The following RELL1 variants were observed in gnomAD, a reference collection of about 807,000 sequenced individuals.
The protein encoded by RELL1 is RELT like 1, also known as RELT-like protein 1.
Under a neutral mutation model 23.0 loss-of-function variants are expected in RELL1, and 10 were observed. The ratio of observed to expected loss-of-function variants is 0.43; its 90% CI spans 0.27 to 0.74. RELL1 has a LOEUF of 0.74. Ranked by LOEUF, RELL1 falls within the 30% of genes least tolerant of loss-of-function variation. The pLI is 0.19. For synonymous variants in RELL1, 146 were observed against 146.8 expected (o/e 0.99, Z 0.04); for missense variants, 315 against 364.4 (o/e 0.86, Z 1.10).
intron 1 of RELL1, among the ~76,000 whole-genome samples, chr4:37,678,631 T>A (rs1048995894): frequency 2.6e-5 from 4 of 152,194 alleles, no homozygotes; most frequent in Non-Finnish European, 5.9e-5. Flanking sequence ...TCTGGAGTGG[T>A]TAGGAACTTT....
exon 7 of RELL1, chr4:37,591,013 G>A (rs1264381510): frequency 6.3e-7 from 1 of 1,587,424 alleles, no homozygotes; most frequent in Admixed American, 1.7e-5. Flanking sequence ...GAGGGGATTT[G>A]CACAGGGAGG....
chr4:37,598,421 T>C (rs1231269000), intron 6 of RELL1, among the ~76,000 whole-genome samples: 1 of 152,102 alleles, frequency 6.6e-6, no homozygotes, highest in East Asian at 1.9e-4. Flanking sequence ...GGTATTTTGT[T>C]GTTGTTTTTA....
intron 6 of RELL1, among the ~76,000 whole-genome samples, chr4:37,615,892 T>C (rs1174329861): frequency 6.6e-6 from 1 of 152,170 alleles, no homozygotes; most frequent in African/African-American, 2.4e-5. Context: ...ATCCTCTCAT[T>C]ATACTATGGG....
intron 1 of RELL1, among the ~76,000 whole-genome samples, chr4:37,685,308 C>T (rs1722363079): frequency 6.6e-6 from 1 of 152,078 alleles, no homozygotes; most frequent in African/African-American, 2.4e-5. Flanking sequence ...AGATTCCCAG[C>T]TGTAGTAACC....
At chr4:37,605,889 G>GAA (rs1486212243), downstream of RELL1, among the ~76,000 whole-genome samples, 3 of 128,798 alleles carry the variant, frequency 2.3e-5, no homozygotes. Context: ...AGGAAAGAAA[G>GAA]AGAAAGAAAG....
At chr4:37,668,592 T>C (rs1376198251) in intron 1 of RELL1, among the ~76,000 whole-genome samples, 1 of 152,084 alleles carries the variant, frequency 6.6e-6, no homozygotes, top group Non-Finnish European at 1.5e-5. Context: ...GCAGCCTGCC[T>C]TGGCCTCCCA....
rs78767247 is a variant in RELL1 at position 37,621,600 on chromosome 4, G to T, written c.*4-8258C>A. ...TTTTCCGCTTCCCTCAAGCCCCCTT[G>T]GGTCTGTCTTTAGGCCCTCCAAAGT... On this transcript the variant is annotated intron_variant, in intron 6 of 6. Coordinates refer to ENST00000454158, the MANE Select transcript of RELL1 (RefSeq NM_001085400.2). Among the ~76,000 whole-genome samples the T allele has an allele frequency of 4.0e-3, 616 of 152,246 alleles. 3 individuals carry two copies. Among genetic ancestry groups the T allele is most frequent in the African/African-American group, 0.014 (589 of 41,528 alleles).
At position 37,611,184 on chromosome 4, in the gene RELL1, T is replaced by C. The variant is rs1719364065; in HGVS notation, c.*2162A>G. 6.6e-6 allele frequency among the ~76,000 whole-genome samples: 1 copy of C among 152,194 alleles called. No individual in the cohort carries two copies. The highest frequency in any genetic ancestry group is 6.5e-5 in the Admixed American group (1 of 15,274). On this transcript the variant is annotated 3_prime_UTR_variant, in exon 7 of 7. Transcript: ENST00000454158. ...ATCTTACATTTTATCCCCCACCATT[T>C]TGAGGGCATATTTTTAAAGCAAAAA...
rs1045805417 is a variant in RELL1 at position 37,620,247 on chromosome 4, G to T, written c.*4-6905C>A. Among the ~76,000 whole-genome samples the T allele has an allele frequency of 4.6e-5, 7 of 152,092 alleles. No individual in the cohort carries two copies. In the East Asian group the frequency reaches 5.8e-4, roughly 13 times the overall value. Reference sequence around the variant, plus strand: ...TTGAATAATACCAGTGAGAAATTTTGCATTCCTTACAGTTTTGAATCTTCT... The same window carrying T: ...TTGAATAATACCAGTGAGAAATTTTTCATTCCTTACAGTTTTGAATCTTCT... On this transcript the variant is annotated intron_variant, in intron 6 of 6. Coordinates refer to ENST00000454158, the MANE Select transcript of RELL1 (RefSeq NM_001085400.2).
intron 1 of RELL1, among the ~76,000 whole-genome samples, chr4:37,658,805 C>T (rs1721215907): frequency 6.6e-6 from 1 of 152,224 alleles, no homozygotes; most frequent in African/African-American, 2.4e-5. Context: ...TATTTCACAA[C>T]TTGGTTTAGA....
chr4:37,640,448 A>T (rs1720487428), intron 3 of RELL1, among the ~76,000 whole-genome samples: 1 of 152,230 alleles, frequency 6.6e-6, no homozygotes, highest in Non-Finnish European at 1.5e-5. Context: ...CGTTTCAGAT[A>T]CTAGGTTTGG....
At chr4:37,626,118 C>T (rs1719935548) in intron 6 of RELL1, among the ~76,000 whole-genome samples, 1 of 152,120 alleles carries the variant, frequency 6.6e-6, no homozygotes, top group African/African-American at 2.4e-5. Context: ...GAAATTCTTG[C>T]ATACTGTTAG....
chr4:37,626,130 G>A (rs1719935937), intron 6 of RELL1, among the ~76,000 whole-genome samples: 1 of 152,122 alleles, frequency 6.6e-6, no homozygotes. Context: ...TACTGTTAGT[G>A]GGAATATACA....
At position 37,669,686 on chromosome 4, in the gene RELL1, G is replaced by A. The variant is rs372046957; in HGVS notation, c.88+16514C>T. ...GGAGACTTTTCATTTTGTTCTGTAC[G>A]AAGAAAAATTCTTCTACCTTGGGAT... On this transcript the variant is annotated intron_variant, in intron 1 of 6. Transcript: ENST00000454158. Among the ~76,000 whole-genome samples, 20 of 152,316 alleles carry A rather than the reference G, an allele frequency of 1.3e-4. No homozygotes were observed. In the South Asian group the frequency reaches 1.7e-3, roughly 13 times the overall value.
At chr4:37,686,062 CA>C (rs1270022733) in intron 1 of RELL1, 137 bp downstream of exon 1, 1 of 723,634 alleles carries the variant, frequency 1.4e-6, no homozygotes, top group Non-Finnish European at 2.2e-6. Context: ...GCGGGACAGC[CA>C]GTTGTTCAGT....
chr4:37,605,785 G>GAA (rs1491097500), downstream of RELL1, among the ~76,000 whole-genome samples: 1 of 79,960 alleles, frequency 1.3e-5, no homozygotes, highest in South Asian at 4.5e-4. Context: ...GAGAGAGAGA[G>GAA]AAAGAAAGAG....
intron 6 of RELL1, among the ~76,000 whole-genome samples, chr4:37,613,874 C>A (rs1397148623): frequency 6.6e-6 from 1 of 152,250 alleles, no homozygotes; most frequent in Non-Finnish European, 1.5e-5. Flanking sequence ...TAGCTCCCTG[C>A]TTTTCAAATG....
downstream of RELL1, among the ~76,000 whole-genome samples, chr4:37,605,785 GAA>G (rs1491097500): frequency 0.042 from 3,364 of 79,420 alleles, 75 homozygotes; most frequent in Middle Eastern, 0.075. Flanking sequence ...GAGAGAGAGA[GAA>G]AGAAAGAGAA....
chr4:37,674,646 A>G (rs1292488347), intron 1 of RELL1, among the ~76,000 whole-genome samples: 1 of 152,230 alleles, frequency 6.6e-6, no homozygotes, highest in Non-Finnish European at 1.5e-5. Context: ...TGTTTTTTAT[A>G]AAGTGGATAA....
Sources: gnomAD v4.1 joint callset for allele counts (sites outside exome capture counted in the v4.1 genomes callset) on GRCh38, gnomAD v4.1.1 for gene constraint, MANE v1.5 for transcripts, NCBI Gene and HGNC (gene_info 2026-07-23, HGNC 2026-07-21) for gene names.